Variants in ITGA10 observed in about 807,000 individuals in gnomAD.
ITGA10 encodes the protein integrin alpha-10.
A neutral mutation model predicts 145.2 loss-of-function variants in ITGA10; 105 were observed. The observed-to-expected ratio is 0.72, with a 90% confidence interval of 0.62 to 0.85. The LOEUF is 0.85. ITGA10 is among the 40% of genes least tolerant of loss of function. The pLI is 0.00. For synonymous variants in ITGA10, 506 were observed against 557.8 expected (o/e 0.91, Z 1.31); for missense variants, 1,317 against 1,444.5 (o/e 0.91, Z 1.43).
At chr1:145,907,916 G>A (rs922378869) in intron 1 of ITGA10, among the ~76,000 whole-genome samples, 5 of 151,608 alleles carry the variant, frequency 3.3e-5, no homozygotes, top group Admixed American at 2.0e-4. Flanking sequence ...CACTACAGGC[G>A]CCTGCCACCT....
At position 145,904,124 on chromosome 1, in the gene ITGA10, A is replaced by G; in HGVS notation, c.686T>C (p.Val229Ala). Residue 229 changes from valine (V) to alanine (A), a missense_variant, in exon 7 of 30, where the codon GTG becomes GCG. Val to Ala is a moderately conservative substitution (Grantham distance 64). Coordinates refer to ENST00000369304, the MANE Select transcript of ITGA10 (RefSeq NM_003637.5). ...CCGACTGAGGTTCTTTGCTGCTCTC[A>G]CCACTTCTTCCTTCGTTCGGAAATC... Reference protein sequence around the residue: ...LGDFRTKEEVVRAAKNLSRRE... With the variant: ...LGDFRTKEEVARAAKNLSRRE... The G allele has an allele frequency of 6.2e-7, 1 of 1,614,006 alleles. No individual in the cohort carries two copies. Among genetic ancestry groups the G allele is most frequent in the Non-Finnish European group, 8.5e-7 (1 of 1,179,980 alleles).
At chr1:145,907,961 G>A (rs1046745611) in intron 1 of ITGA10, among the ~76,000 whole-genome samples, 9 of 151,452 alleles carry the variant, frequency 5.9e-5, no homozygotes, top group African/African-American at 1.7e-4. Context: ...TAGTAGAGAC[G>A]GAGTTTCACC....
At position 145,901,311 on chromosome 1, in the gene ITGA10, A is replaced by G; in HGVS notation, c.1444-33T>C. Reference sequence around the variant, plus strand: ...ATGGTGGGTGATGATGACCCCAGAGAAAAGGGAAGGTAACTGTAGACAAGT... The same window carrying G: ...ATGGTGGGTGATGATGACCCCAGAGGAAAGGGAAGGTAACTGTAGACAAGT... On this transcript the variant is annotated intron_variant, in intron 12 of 29. Coordinates refer to ENST00000369304, the MANE Select transcript of ITGA10 (RefSeq NM_003637.5). The surrounding 1 kb of genome is among the most constrained non-coding windows in gnomAD (Gnocchi z 4.3). The G allele has an allele frequency of 6.2e-7, 1 of 1,611,970 alleles. No homozygotes were observed. The highest frequency in any genetic ancestry group is 2.2e-5 in the East Asian group (1 of 44,882).
In ITGA10 at chr1:145,897,521, G is replaced by C. The variant is rs782533447; in HGVS notation, c.2565C>G (p.Leu855=). The stretch of plus-strand genomic sequence containing the variant: ...CCTCCTCCAAAGGCACCTGAGGAGT[G>C]AGACTGGCCAGGTGGAGGTTTCTAG... ...IFSRNLHLAS[L]TPQRESPIKV... is the part of the protein sequence containing the mutation. Residue 855 remains leucine, a synonymous_variant, in exon 20 of 30, where the codon CTC becomes CTG. Transcript: ENST00000369304. 2 of 1,614,072 alleles carry C rather than the reference G, an allele frequency of 1.2e-6. No homozygotes were observed. The highest frequency in any genetic ancestry group is 4.5e-5 in the East Asian group (2 of 44,872).
At chr1:145,896,407 G>T in intron 23 of ITGA10, 55 bp from the exon 24 acceptor site, 1 of 1,358,106 alleles carries the variant, frequency 7.4e-7, no homozygotes, top group South Asian at 1.2e-5. Flanking sequence ...ACAGACACAG[G>T]GGCACATGAT....
chr1:145,901,377 C>T lies in ITGA10; in HGVS notation c.1444-99G>A. 1 of 1,514,740 alleles carries T rather than the reference C, an allele frequency of 6.6e-7. No individual in the cohort carries two copies. Among genetic ancestry groups the T allele is most frequent in the Non-Finnish European group, 9.0e-7 (1 of 1,114,708 alleles). The allele number at this position is 1,514,740 out of a possible 1,614,324, so 93.8% of individuals were successfully genotyped here. On this transcript the variant is annotated intron_variant, in intron 12 of 29. Transcript: ENST00000369304. This position sits in a 1 kb window ranked among gnomAD's most constrained non-coding sequence, Gnocchi z 4.3. Reference sequence around the variant, plus strand: ...CACTCACCAGCCTGCTAGTCTGCTCCTTACATCCCTGACAGACTCTGCCAA... The same window carrying T: ...CACTCACCAGCCTGCTAGTCTGCTCTTTACATCCCTGACAGACTCTGCCAA...
chr1:145,903,768 C>A (rs1656709489), intron 7 of ITGA10, among the ~76,000 whole-genome samples: 1 of 151,904 alleles, frequency 6.6e-6, no homozygotes, highest in Non-Finnish European at 1.5e-5. Flanking sequence ...CTCACTGCAA[C>A]CTCCACCTCC....
intron 21 of ITGA10, 67 bp downstream of exon 21, chr1:145,897,180 C>T: frequency 6.3e-7 from 1 of 1,576,342 alleles, no homozygotes; most frequent in South Asian, 1.1e-5. Flanking sequence ...TCCCTGAAGT[C>T]CCAGGACCCT....
rs1230195812 is a variant in ITGA10, at chr1:145,893,765, G to C, written c.3229-130C>G. 6 of 655,092 alleles carry C rather than the reference G, an allele frequency of 9.2e-6. No individual in the cohort carries two copies. The Admixed American group carries it at 1.3e-4, about 14-fold the overall frequency. The allele number at this position is 655,092 out of a possible 1,614,324, so 40.6% of individuals were successfully genotyped here. ...AGGGCTCTCAAGACCAGAAGAAAAG[G>C]CTGAAGACCAATGGGAAAAGAGAGG... On this transcript the variant is annotated intron_variant, in intron 27 of 29. Transcript: ENST00000369304.
chr1:145,903,360 C>T (rs1051952833), intron 7 of ITGA10, among the ~76,000 whole-genome samples: 1 of 152,104 alleles, frequency 6.6e-6, no homozygotes, highest in Non-Finnish European at 1.5e-5. Flanking sequence ...TACCACCGTG[C>T]CCCTAGAGAT....
Position 145,902,239 on chromosome 1 carries a change from G to C in ITGA10, c.1149+7C>G, listed in dbSNP as rs372180462. On this transcript the variant is annotated splice_region_variant and intron_variant, in intron 10 of 29. Coordinates refer to ENST00000369304, the MANE Select transcript of ITGA10 (RefSeq NM_003637.5). ...GGAGAAGTAATGAAGGGGTCAATCT[G>C]TCCAACCTTTAGCCGATGAGTGGAG... 36 of 1,613,700 alleles carry C rather than the reference G, an allele frequency of 2.2e-5. No individual in the cohort carries two copies. Among genetic ancestry groups the C allele is most frequent in the Non-Finnish European group, 3.1e-5 (36 of 1,179,734 alleles).
chr1:145,896,082 G>A lies in ITGA10; in HGVS notation c.2934C>T (p.Gly978=). 6.2e-7 allele frequency: 1 copy of A among 1,614,100 alleles called. No homozygotes were observed. Among genetic ancestry groups the A allele is most frequent in the Non-Finnish European group, 8.5e-7 (1 of 1,179,946 alleles). The change falls in exon 25 of 30, where the codon GGC becomes GGT. Residue 978 remains glycine, a synonymous_variant. Transcript: ENST00000369304. ...FKTTLRVQNL[G]CYVVSGLIIS... ...TGATGAGGCCACTGACCACATAGCA[G>A]CCTAGGTTCTGAACCTAAGAGGAAG...
At position 145,892,513 on chromosome 1, in the gene ITGA10, A is replaced by T. The variant is rs782504227; in HGVS notation, c.*285T>A. On this transcript the variant is annotated 3_prime_UTR_variant, in exon 30 of 30. Transcript: ENST00000369304. ...ATTATTGATTCCTGGGGATAAAAGG[A>T]CCCCAAACAAAAGCCCCAGTGTTGG... The T allele has an allele frequency of 8.9e-5, 30 of 337,084 alleles. No homozygotes were observed. Among genetic ancestry groups the T allele is most frequent in the Non-Finnish European group, 1.3e-4 (25 of 186,050 alleles). The allele number at this position is 337,084 out of a possible 1,614,324, so 20.9% of individuals were successfully genotyped here.
chr1:145,896,236 C>T (rs1159202257), intron 24 of ITGA10, 32 bp downstream of exon 24: 1 of 1,567,848 alleles, frequency 6.4e-7, no homozygotes, highest in Non-Finnish European at 8.8e-7. Context: ...CCCCCACATT[C>T]TCCTCATGCC....
intron 10 of ITGA10, 53 bp downstream of exon 10, chr1:145,902,193 A>G: frequency 6.3e-7 from 1 of 1,594,748 alleles, no homozygotes; most frequent in Non-Finnish European, 8.6e-7. Flanking sequence ...CTGTGGTTGA[A>G]GTTATCTGAG....
In ITGA10 at chr1:145,902,460, G is replaced by A. The variant is rs781969646; in HGVS notation, c.1069C>T (p.Leu357Phe). The A allele has an allele frequency of 6.2e-7, 1 of 1,610,390 alleles. No individual in the cohort carries two copies. The highest frequency in any genetic ancestry group is 8.5e-7 in the Non-Finnish European group (1 of 1,178,252). ...VDALGDRIFG[L>F]EGSHAENESS... The stretch of plus-strand genomic sequence containing the variant: ...TCTCCAGAGTAATCCTCACCTTCAA[G>A]GCCAAAAATCCGATCTCCTAGTGCA... The change falls in exon 9 of 30, where the codon CTT (leucine) becomes TTT (phenylalanine). Residue 357 changes from leucine to phenylalanine, a missense_variant. Coordinates refer to ENST00000369304, the MANE Select transcript of ITGA10 (RefSeq NM_003637.5).
Position 145,904,111 on chromosome 1 carries a change from C to T in ITGA10, c.699G>A (p.Lys233=), listed in dbSNP as rs782011575. ...CTCGTCCCTCCCGCCGACTGAGGTT[C>T]TTTGCTGCTCTCACCACTTCTTCCT... ...RTKEEVVRAA[K]NLSRREGRET... is the part of the protein sequence containing the mutation. Residue 233 remains lysine (K), a synonymous_variant, in exon 7 of 30, where the codon AAG becomes AAA. Coordinates refer to ENST00000369304, the MANE Select transcript of ITGA10 (RefSeq NM_003637.5). The T allele has an allele frequency of 1.9e-6, 3 of 1,614,190 alleles. No homozygotes were observed. The South Asian group carries it at 3.3e-5, about 18-fold the overall frequency.
At chr1:145,902,099 G>C in intron 10 of ITGA10, 78 bp from the exon 11 acceptor site, 2 of 1,593,074 alleles carry the variant, frequency 1.3e-6, no homozygotes, top group Non-Finnish European at 1.7e-6. Context: ...GGAGTGAAAA[G>C]ATCACTGAGG....
chr1:145,904,751 C>A lies in ITGA10; in HGVS notation c.542G>T (p.Trp181Leu). The A allele has an allele frequency of 6.2e-7, 1 of 1,613,822 alleles. No homozygotes were observed. Among genetic ancestry groups the A allele is most frequent in the Non-Finnish European group, 8.5e-7 (1 of 1,179,868 alleles). The change falls in exon 6 of 30, where the codon TGG (tryptophan) becomes TTG (leucine). Residue 181 changes from tryptophan (W) to leucine (L), a missense_variant. Coordinates refer to ENST00000369304, the MANE Select transcript of ITGA10 (RefSeq NM_003637.5). The stretch of plus-strand genomic sequence containing the variant: ...TCGTAGGAAGGTCTGAACTTCAGAC[C>A]AGGGGTAGATGCTGTTGGAGCCATC... ...VLDGSNSIYP[W>L]SEVQTFLRRL...
Sources: allele counts gnomAD v4.1 joint callset (sites outside exome capture counted in the v4.1 genomes callset), GRCh38; gene constraint gnomAD v4.1.1; non-coding constraint Gnocchi (gnomAD v3.1); transcripts MANE v1.5; gene names NCBI Gene and HGNC (gene_info 2026-07-23, HGNC 2026-07-21).